The following SLC24A2 variants were observed in gnomAD, a reference collection of about 807,000 sequenced individuals.
The protein encoded by SLC24A2 is solute carrier family 24 member 2, also known as sodium/potassium/calcium exchanger 2.
Under a neutral mutation model 62.0 loss-of-function variants are expected in SLC24A2, and 36 were observed. That is an observed-to-expected ratio of 0.58 (90% confidence interval 0.44 to 0.77). The LOEUF (loss-of-function observed/expected upper bound fraction) is 0.77. SLC24A2 is among the 30% of genes least tolerant of loss of function. The pLI is 0.00. For synonymous variants in SLC24A2, 358 were observed against 294.0 expected (o/e 1.22, Z -2.23); for missense variants, 846 against 817.9 (o/e 1.03, Z -0.42).
chr9:19,700,149 A>G (rs908915777), intron 2 of SLC24A2, among the ~76,000 whole-genome samples: 1 of 152,230 alleles, frequency 6.6e-6, no homozygotes, highest in Admixed American at 6.5e-5. Flanking sequence ...GATAAGACAG[A>G]GAACACACTC....
chr9:19,764,812 G>A (rs1170320583), intron 2 of SLC24A2, among the ~76,000 whole-genome samples: 1 of 152,098 alleles, frequency 6.6e-6, no homozygotes, highest in African/African-American at 2.4e-5. Context: ...TGTCTATTAG[G>A]TCCTCTTGGT....
chr9:20,113,252 C>G, the SLC24A2 span, among the ~76,000 whole-genome samples: 1 of 152,148 alleles, frequency 6.6e-6, no homozygotes, highest in African/African-American at 2.4e-5. Flanking sequence ...AGAACAGACT[C>G]TATGCCCGCA....
At position 19,722,745 on chromosome 9, in the gene SLC24A2, A is replaced by G. The variant is rs146771435; in HGVS notation, c.930+63192T>C. 8.2e-3 allele frequency among the ~76,000 whole-genome samples: 1,251 copies of G among 152,198 alleles called. 20 individuals carry two copies. The highest frequency in any genetic ancestry group is 0.029 in the African/African-American group (1,190 of 41,542). Reference sequence around the variant, plus strand: ...CCTATGCAACGGAAATTCCAGTGTCAGCATCATATGACAAAACAAAAAAGA... The same window carrying G: ...CCTATGCAACGGAAATTCCAGTGTCGGCATCATATGACAAAACAAAAAAGA... On this transcript the variant is annotated intron_variant, in intron 2 of 10. Transcript: ENST00000341998.
intron 1 of SLC24A2, 27 bp downstream of exon 1, chr9:19,788,858 A>G: frequency 1.0e-6 from 1 of 985,396 alleles, no homozygotes; most frequent in Non-Finnish European, 1.2e-6. Flanking sequence ...CTACAGCGGC[A>G]GGCGGGGCGC....
chr9:19,985,429 A>T, the SLC24A2 span, among the ~76,000 whole-genome samples: 1 of 152,238 alleles, frequency 6.6e-6, no homozygotes, highest in Non-Finnish European at 1.5e-5. Flanking sequence ...TTACTGATAC[A>T]TATGACTTAT....
intron 2 of SLC24A2, among the ~76,000 whole-genome samples, chr9:19,747,138 T>G (rs1322937002): frequency 6.6e-6 from 1 of 152,100 alleles, no homozygotes; most frequent in Admixed American, 6.6e-5. Flanking sequence ...TTTATTCAAA[T>G]TTTAATATTT....
chr9:20,238,868 G>C, the SLC24A2 span, among the ~76,000 whole-genome samples: 2 of 152,118 alleles, frequency 1.3e-5, no homozygotes, highest in African/African-American at 4.8e-5. Flanking sequence ...AGAACTAGTG[G>C]CCTTATAAGA....
At chr9:20,194,985 C>G in the SLC24A2 span, among the ~76,000 whole-genome samples, 1 of 152,152 alleles carries the variant, frequency 6.6e-6, no homozygotes, top group Non-Finnish European at 1.5e-5. Flanking sequence ...CCTAGGTATA[C>G]ATCCGTAAAC....
chr9:19,671,703 G>A (rs907411061), intron 2 of SLC24A2, among the ~76,000 whole-genome samples: 3 of 152,120 alleles, frequency 2.0e-5, no homozygotes, highest in African/African-American at 7.2e-5. Context: ...GTCATAGATG[G>A]CTTTTATTAT....
the SLC24A2 span, among the ~76,000 whole-genome samples, chr9:20,088,142 G>A: frequency 6.6e-6 from 1 of 152,312 alleles, no homozygotes; most frequent in East Asian, 1.9e-4. Context: ...CAGGAGGTTG[G>A]ACCCCCATAC....
chr9:19,912,448 T>A, the SLC24A2 span, among the ~76,000 whole-genome samples: 3 of 152,136 alleles, frequency 2.0e-5, no homozygotes, highest in Non-Finnish European at 4.4e-5. Flanking sequence ...CAGTAATTTG[T>A]CAAGTTATTG....
At chr9:19,710,697 T>G (rs114477478) in intron 2 of SLC24A2, among the ~76,000 whole-genome samples, 2,149 of 152,210 alleles carry the variant, frequency 0.014, 16 homozygotes, top group South Asian at 0.043. Context: ...GCGGAGGAAG[T>G]TTCACTTCAT....
the SLC24A2 span, among the ~76,000 whole-genome samples, chr9:20,251,982 A>C: frequency 6.6e-6 from 1 of 152,194 alleles, no homozygotes; most frequent in African/African-American, 2.4e-5. Context: ...ACTTTGCCAC[A>C]TGCTTCACTG....
chr9:19,551,405 G>C (rs1199082858), intron 7 of SLC24A2, among the ~76,000 whole-genome samples: 2 of 152,170 alleles, frequency 1.3e-5, no homozygotes, highest in South Asian at 2.1e-4. Flanking sequence ...AGAGATGGAG[G>C]GGGAGGGTCT....
chr9:19,929,299 G>C, the SLC24A2 span: 1 of 152,212 alleles, frequency 6.6e-6, no homozygotes, highest in East Asian at 1.9e-4. Context: ...GATGCCCATG[G>C]ACTCTTAGCA....
chr9:20,272,962 T>C, the SLC24A2 span, among the ~76,000 whole-genome samples: 1 of 152,212 alleles, frequency 6.6e-6, no homozygotes, highest in Admixed American at 6.5e-5. Context: ...GATCCCAGGC[T>C]AGGATCCATT....
At chr9:19,905,828 T>G in the SLC24A2 span, among the ~76,000 whole-genome samples, 1 of 152,290 alleles carries the variant, frequency 6.6e-6, no homozygotes, top group African/African-American at 2.4e-5. Context: ...GAACATAATT[T>G]GTATTAACAC....
At chr9:20,225,158 G>T in the SLC24A2 span, among the ~76,000 whole-genome samples, 1 of 152,086 alleles carries the variant, frequency 6.6e-6, no homozygotes, top group Non-Finnish European at 1.5e-5. Flanking sequence ...ACCTAAGAAA[G>T]AAGGGTACAT....
At chr9:19,641,746 C>T (rs1431905025) in intron 2 of SLC24A2, among the ~76,000 whole-genome samples, 3 of 152,092 alleles carry the variant, frequency 2.0e-5, no homozygotes, top group African/African-American at 7.2e-5. Flanking sequence ...TGTGTTTAGG[C>T]TATAAAAGCA....
Sources: gnomAD v4.1 joint callset for allele counts (sites outside exome capture counted in the v4.1 genomes callset) on GRCh38, gnomAD v4.1.1 for gene constraint, MANE v1.5 for transcripts, NCBI Gene and HGNC (gene_info 2026-07-23, HGNC 2026-07-21) for gene names.